The following CACNA2D1 variants were observed in gnomAD, a reference collection of about 807,000 sequenced individuals.
The protein encoded by CACNA2D1 is voltage-dependent calcium channel subunit alpha-2/delta-1.
CACNA2D1 carries 53 observed loss-of-function variants against 171.5 expected under a neutral mutation model. The observed-to-expected ratio is 0.31, with a 90% CI of 0.25 to 0.39. CACNA2D1 has a LOEUF of 0.39. CACNA2D1 is among the 10% of genes least tolerant of loss of function. The probability of loss-of-function intolerance (pLI) is 1.00; values close to 1 mark genes in which losing one functional copy is unlikely to be tolerated. For missense variants in CACNA2D1, 903 were observed against 1,299.8 expected (o/e 0.69, Z 4.69); for synonymous variants, 442 against 443.1 (o/e 1.00, Z 0.03).
chr7:82,138,431 G>GT lies in CACNA2D1; in HGVS notation c.355-1756dup, dbSNP rs1281649581. On this transcript the variant is annotated intron_variant, in intron 4 of 38. Coordinates refer to ENST00000356860, the MANE Select transcript of CACNA2D1 (RefSeq NM_000722.4). ...AAACATTTCTTATAGCATTAGTTTT[G>GT]TTTTTTTTGTTTTTTTTGTTTTTTT... 6.2e-4 allele frequency among the ~76,000 whole-genome samples: 46 copies of GT among 74,114 alleles called. 1 individual carries two copies. The highest frequency in any genetic ancestry group is 1.5e-3 in the Admixed American group (9 of 5,808). 48.6% of individuals were successfully genotyped at this position (74,114 alleles called of 152,430 possible).
chr7:82,296,266 T>TA (rs548667970), intron 3 of CACNA2D1, among the ~76,000 whole-genome samples: 7,223 of 145,588 alleles, frequency 0.05, 556 homozygotes, highest in African/African-American at 0.17. Flanking sequence ...TAATAATAAT[T>TA]AAAAAAAAAA....
chr7:82,114,968 T>C (rs1788874847), intron 6 of CACNA2D1, among the ~76,000 whole-genome samples: 2 of 152,158 alleles, frequency 1.3e-5, no homozygotes, highest in African/African-American at 2.4e-5. Flanking sequence ...CTTGTGGACA[T>C]TTATAAATTA....
chr7:82,268,327 C>T (rs1808182963), intron 3 of CACNA2D1, among the ~76,000 whole-genome samples: 1 of 152,084 alleles, frequency 6.6e-6, no homozygotes, highest in African/African-American at 2.4e-5. Flanking sequence ...AAATACTCAG[C>T]AAATACTTAA....
At chr7:82,061,382 T>C (rs915196012) in intron 9 of CACNA2D1, among the ~76,000 whole-genome samples, 10 of 152,132 alleles carry the variant, frequency 6.6e-5, no homozygotes, top group African/African-American at 2.4e-4. Flanking sequence ...GTCTTCATTA[T>C]ACGAAGATGC....
chr7:81,959,964 G>A (rs1261229459), intron 36 of CACNA2D1, 135 bp from the exon 37 acceptor site: 5 of 1,352,550 alleles, frequency 3.7e-6, no homozygotes, highest in Non-Finnish European at 4.0e-6. Context: ...AGCACAATAG[G>A]AGTATGATTT....
intron 3 of CACNA2D1, among the ~76,000 whole-genome samples, chr7:82,189,525 A>C (rs1175528902): frequency 6.6e-6 from 1 of 152,002 alleles, no homozygotes; most frequent in Non-Finnish European, 1.5e-5. Flanking sequence ...CCATGAATTA[A>C]TTTATTATAT....
At position 81,983,324 on chromosome 7, in the gene CACNA2D1, G is replaced by A. The variant is rs752092062; in HGVS notation, c.1884C>T (p.Gly628=). 1.2e-6 allele frequency: 2 copies of A among 1,610,778 alleles called. No homozygotes were observed. The highest frequency in any genetic ancestry group is 1.7e-6 in the Non-Finnish European group (2 of 1,177,990). Residue 628 remains glycine (G), a synonymous_variant, in exon 23 of 39, where the codon GGC becomes GGT. Coordinates refer to ENST00000356860, the MANE Select transcript of CACNA2D1 (RefSeq NM_000722.4). The part of the protein sequence containing the change: ...ETITQARSKK[G]KMKDSETLKP... ...CAAGAAAATACTTGCCCTTCATTTT[G>A]CCCTTTTTTGCTGTGAAAATCCATC...
intron 1 of CACNA2D1, among the ~76,000 whole-genome samples, chr7:82,374,032 G>T (rs1386894838): frequency 6.6e-6 from 1 of 152,232 alleles, no homozygotes. Flanking sequence ...TCTGTTGCCA[G>T]CTAAAGGTTG....
chr7:82,411,240 T>C (rs1243081601), intron 1 of CACNA2D1, among the ~76,000 whole-genome samples: 2 of 152,180 alleles, frequency 1.3e-5, no homozygotes, highest in Non-Finnish European at 2.9e-5. Flanking sequence ...GAGAGGGGAA[T>C]GCAATGTAGT....
chr7:82,298,869 C>T (rs1002965668), intron 3 of CACNA2D1, among the ~76,000 whole-genome samples: 1 of 152,012 alleles, frequency 6.6e-6, no homozygotes, highest in African/African-American at 2.4e-5. Context: ...TCAAGACCAG[C>T]CTGGCCAATA....
At position 81,947,334 on chromosome 7, in the gene CACNA2D1, T is replaced by G. The variant is rs762377920; in HGVS notation, c.*3058A>C. 9.2e-5 allele frequency: 14 copies of G among 151,584 alleles called. No individual in the cohort carries two copies. The highest frequency in any genetic ancestry group is 2.1e-4 in the South Asian group (1 of 4,830). 9.4% of individuals were successfully genotyped at this position (151,584 alleles called of 1,614,324 possible). The stretch of plus-strand genomic sequence containing the variant: ...GGCAGGAACACTGTTTTTTGTTTTT[T>G]TTTTTCCCAAGTTAAGCAGTAACAC... On this transcript the variant is annotated 3_prime_UTR_variant, in exon 39 of 39. Transcript: ENST00000356860.
intron 3 of CACNA2D1, among the ~76,000 whole-genome samples, chr7:82,333,287 C>T (rs1484834635): frequency 2.0e-5 from 3 of 152,000 alleles, no homozygotes; most frequent in African/African-American, 7.3e-5. Context: ...TTTAAGAATA[C>T]TCAAGATTAT....
At chr7:82,082,410 C>T (rs1809911073) in intron 7 of CACNA2D1, among the ~76,000 whole-genome samples, 1 of 152,032 alleles carries the variant, frequency 6.6e-6, no homozygotes, top group Non-Finnish European at 1.5e-5. Context: ...TGGTCTCTTA[C>T]TCAGTGTGGT....
At chr7:82,299,219 A>T (rs1812694636) in intron 3 of CACNA2D1, among the ~76,000 whole-genome samples, 2 of 152,212 alleles carry the variant, frequency 1.3e-5, no homozygotes, top group Admixed American at 1.3e-4. Context: ...ATACCAAATT[A>T]TTCTCAGTAG....
chr7:81,997,176 C>T lies in CACNA2D1; in HGVS notation c.1662+3G>A, dbSNP rs375174760. The T allele has an allele frequency of 1.3e-5, 21 of 1,562,616 alleles. No homozygotes were observed. The highest frequency in any genetic ancestry group is 1.7e-4 in the Middle Eastern group (1 of 5,966). The stretch of plus-strand genomic sequence containing the variant: ...ATTGTTTAGTCTTACTGATTCCACT[C>T]ACCTCCACTTTAATATCATTCTCTA... On this transcript the variant is annotated splice_donor_region_variant and intron_variant, in intron 19 of 38. Coordinates refer to ENST00000356860, the MANE Select transcript of CACNA2D1 (RefSeq NM_000722.4).
At position 82,404,373 on chromosome 7, in the gene CACNA2D1, T is replaced by C. The variant is rs553876930; in HGVS notation, c.95+38992A>G. On this transcript the variant is annotated intron_variant, in intron 1 of 38. Transcript: ENST00000356860. ...AGATTGGCTTCATTTCAAAGGATGC[T>C]AGATGAACCCTTTCTTTCCGAAGCC... 1.2e-4 allele frequency among the ~76,000 whole-genome samples: 19 copies of C among 152,322 alleles called. No individual in the cohort carries two copies. The South Asian group carries it at 2.7e-3, about 22-fold the overall frequency.
At chr7:82,292,324 A>G (rs924276886) in intron 3 of CACNA2D1, among the ~76,000 whole-genome samples, 3 of 152,148 alleles carry the variant, frequency 2.0e-5, no homozygotes, top group African/African-American at 7.2e-5. Flanking sequence ...TGATGGGATT[A>G]AACTCCTTGC....
chr7:82,282,025 A>G (rs1341387976), intron 3 of CACNA2D1, among the ~76,000 whole-genome samples: 7 of 152,198 alleles, frequency 4.6e-5, no homozygotes, highest in African/African-American at 1.7e-4. Flanking sequence ...GGCCAGGCAC[A>G]GTGGCTCATG....
intron 1 of CACNA2D1, among the ~76,000 whole-genome samples, chr7:82,370,676 C>T (rs903802143): frequency 6.6e-6 from 1 of 151,606 alleles, no homozygotes; most frequent in African/African-American, 2.4e-5. Flanking sequence ...CAAATATTTT[C>T]AAAGTGAAAA....
Sources: allele counts gnomAD v4.1 joint callset (sites outside exome capture counted in the v4.1 genomes callset), GRCh38; gene constraint gnomAD v4.1.1; transcripts MANE v1.5; gene names NCBI Gene and HGNC (gene_info 2026-07-23, HGNC 2026-07-21).